The following ANXA13 variants were observed in gnomAD, a reference collection of about 807,000 sequenced individuals.
ANXA13 encodes the protein annexin XIII.
A neutral mutation model predicts 46.6 loss-of-function variants in ANXA13; 36 were observed. The observed-to-expected ratio is 0.77, with a 90% CI of 0.59 to 1.02. The LOEUF is 1.02. ANXA13 is among the 50% of genes least tolerant of loss of function. ANXA13 has a pLI of 0.00. For missense variants in ANXA13, 417 were observed against 396.5 expected (o/e 1.05, Z -0.44); for synonymous variants, 163 against 152.9 (o/e 1.07, Z -0.49).
intron 1 of ANXA13, among the ~76,000 whole-genome samples, chr8:123,717,810 G>T (rs763644251): frequency 1.3e-5 from 2 of 152,236 alleles, no homozygotes; most frequent in Non-Finnish European, 2.9e-5. Flanking sequence ...AGCAGGTTTG[G>T]AGTGCAGATG....
intron 3 of ANXA13, among the ~76,000 whole-genome samples, chr8:123,701,217 G>A (rs1225235474): frequency 1.3e-5 from 2 of 152,184 alleles, no homozygotes; most frequent in Non-Finnish European, 2.9e-5. Context: ...GCTCACACCT[G>A]TAATCCTGGC....
At chr8:123,735,953 A>G (rs1814257757) in intron 1 of ANXA13, 1 of 1,479,438 alleles carries the variant, frequency 6.8e-7, no homozygotes, top group Non-Finnish European at 9.0e-7. Flanking sequence ...TGACTTTCAA[A>G]AGACAAAATT....
At chr8:123,712,520 G>T in intron 2 of ANXA13, 158 bp downstream of exon 2, 2 of 660,806 alleles carry the variant, frequency 3.0e-6, no homozygotes, top group Non-Finnish European at 5.4e-6. Context: ...GTAATTTTGC[G>T]AACTTTAATA....
intron 8 of ANXA13, among the ~76,000 whole-genome samples, chr8:123,689,315 G>C (rs1488501278): frequency 6.7e-6 from 1 of 148,330 alleles, no homozygotes; most frequent in African/African-American, 2.5e-5. Flanking sequence ...TTTTAACATT[G>C]ATGTGTAGTT....
At chr8:123,698,315 G>A in intron 4 of ANXA13, 74 bp downstream of exon 4, 2 of 1,516,542 alleles carry the variant, frequency 1.3e-6, no homozygotes, top group Non-Finnish European at 1.8e-6. Flanking sequence ...CTGGGAAGTA[G>A]GGTCCCTTCT....
At chr8:123,681,586 G>A (rs1045973053) in intron 10 of ANXA13, among the ~76,000 whole-genome samples, 1 of 149,582 alleles carries the variant, frequency 6.7e-6, no homozygotes, top group African/African-American at 2.5e-5. Flanking sequence ...AGGTGTCCAC[G>A]TGTGTGTGTG....
intron 2 of ANXA13, among the ~76,000 whole-genome samples, chr8:123,707,027 A>G (rs1001833862): frequency 2.6e-5 from 4 of 152,196 alleles, no homozygotes; most frequent in African/African-American, 9.7e-5. Flanking sequence ...TGTGTCTCTC[A>G]TGCTGCCTGC....
rs78203443 is a variant in ANXA13 at position 123,715,825 on chromosome 8, C to A, written c.16-3072G>T. ...AAGGCTAGAACCAGATTTTCTGATT[C>A]TGACAGATCTAAATGACATGCCTGC... On this transcript the variant is annotated intron_variant, in intron 1 of 10. Transcript: ENST00000419625. 5.4e-3 allele frequency among the ~76,000 whole-genome samples: 830 copies of A among 152,314 alleles called. 8 individuals carry two copies. The highest frequency in any genetic ancestry group is 8.4e-3 in the Non-Finnish European group (570 of 68,038).
rs1813216822 is a variant in ANXA13 at position 123,690,630 on chromosome 8, CTT to C, written c.643-1686_643-1685del. Among the ~76,000 whole-genome samples, 1 of 152,192 alleles carries C rather than the reference CTT, an allele frequency of 6.6e-6. No individual in the cohort carries two copies. Among genetic ancestry groups the C allele is most frequent in the Admixed American group, 6.5e-5 (1 of 15,274 alleles). ...TACTGCAACGTGATTCTTAGGGGCT[CTT>C]TGTACAGAAGCAGATTTTCTGATCT... On this transcript the variant is annotated intron_variant, in intron 8 of 10. Coordinates refer to ENST00000419625, the MANE Select transcript of ANXA13 (RefSeq NM_004306.4). The surrounding 1 kb of genome is among the most constrained non-coding windows in gnomAD (Gnocchi z 4.6).
chr8:123,702,184 C>A (rs1813457510), intron 3 of ANXA13, among the ~76,000 whole-genome samples: 2 of 150,920 alleles, frequency 1.3e-5, no homozygotes, highest in Admixed American at 1.3e-4. Context: ...TTATTTTCAA[C>A]AATAAAAAGA....
At chr8:123,728,428 T>G (rs889546040) in intron 1 of ANXA13, 1 of 152,182 alleles carries the variant, frequency 6.6e-6, no homozygotes, top group Non-Finnish European at 1.5e-5. Flanking sequence ...ACGTTTCTCA[T>G]TAGAAAAGAA....
intron 2 of ANXA13, among the ~76,000 whole-genome samples, chr8:123,707,173 GATGAATGAATGAATTGATGGGTGA>G (rs1449245715): frequency 3.3e-5 from 5 of 152,350 alleles, no homozygotes; most frequent in African/African-American, 1.2e-4. Context: ...CATGTGCACA[GATGAATGAATGAATTGATGGGTGA>G]ATGAATGAAT....
chr8:123,719,842 G>C (rs190568701), intron 1 of ANXA13, among the ~76,000 whole-genome samples: 1 of 152,332 alleles, frequency 6.6e-6, no homozygotes, highest in East Asian at 1.9e-4. Context: ...TGGGCAAGCT[G>C]ATTCACGTCT....
At chr8:123,705,308 T>G (rs1245173462) in intron 2 of ANXA13, among the ~76,000 whole-genome samples, 1 of 152,222 alleles carries the variant, frequency 6.6e-6, no homozygotes, top group African/African-American at 2.4e-5. Context: ...AGCTCGCATG[T>G]GTTCACTTCA....
chr8:123,717,483 T>C (rs1224475827), intron 1 of ANXA13, among the ~76,000 whole-genome samples: 1 of 152,226 alleles, frequency 6.6e-6, no homozygotes, highest in African/African-American at 2.4e-5. Context: ...GTACCATATG[T>C]AGATATATAG....
At position 123,698,425 on chromosome 8, in the gene ANXA13, G is replaced by C. The variant is rs137966396; in HGVS notation, c.321C>G (p.Ser107=). 6.2e-7 allele frequency: 1 copy of C among 1,614,140 alleles called. No individual in the cohort carries two copies. The highest frequency in any genetic ancestry group is 8.5e-7 in the Non-Finnish European group (1 of 1,180,024). The change falls in exon 4 of 11, where the codon TCC becomes TCG. Residue 107 remains serine, a synonymous_variant. Transcript: ENST00000419625. The part of the protein sequence containing the change: ...KAMKGLGTDE[S]VLIEVLCTRT... ...TCGTGCACAGGACCTCAATGAGGAC[G>C]GACTCATCTGTGCCCAGACCCTTCA...
chr8:123,717,962 A>G (rs2129911778), intron 1 of ANXA13, among the ~76,000 whole-genome samples: 1 of 152,370 alleles, frequency 6.6e-6, no homozygotes, highest in East Asian at 1.9e-4. Flanking sequence ...CTTGGGGCTC[A>G]CGCCCAGACT....
intron 1 of ANXA13, chr8:123,736,009 T>A (rs1244608160): frequency 1.5e-5 from 13 of 877,834 alleles, no homozygotes; most frequent in Admixed American, 8.0e-5. Context: ...ATTCCTGGGG[T>A]CCTCTGCATC....
At chr8:123,728,785 T>G (rs1286752135) in intron 1 of ANXA13, 1 of 152,112 alleles carries the variant, frequency 6.6e-6, no homozygotes, top group East Asian at 1.9e-4. Flanking sequence ...GGTAGAAGAG[T>G]TTATGCATTG....
Sources: allele counts gnomAD v4.1 joint callset (sites outside exome capture counted in the v4.1 genomes callset), GRCh38; gene constraint gnomAD v4.1.1; non-coding constraint Gnocchi (gnomAD v3.1); transcripts MANE v1.5; gene names NCBI Gene and HGNC (gene_info 2026-07-23, HGNC 2026-07-21).